The following UACA variants were observed in gnomAD, a reference collection of about 807,000 sequenced individuals.
The protein encoded by UACA is nuclear membrane binding protein.
UACA carries 112 observed loss-of-function variants against 160.5 expected under a neutral mutation model. The observed-to-expected ratio is 0.70, with a 90% CI of 0.60 to 0.82. UACA has a LOEUF of 0.82. Ranked by LOEUF, UACA falls within the 40% of genes least tolerant of loss-of-function variation. The probability of loss-of-function intolerance (pLI) is 0.00; values close to 1 mark genes in which losing one functional copy is unlikely to be tolerated. For missense variants in UACA, 1,574 were observed against 1,614.6 expected, an observed-to-expected ratio of 0.97 and a Z score of 0.43; for synonymous variants, 557 against 568.4, an observed-to-expected ratio of 0.98 and a Z score of 0.29.
intron 1 of UACA, among the ~76,000 whole-genome samples, chr15:70,718,259 G>GGGAGGGGGA: frequency 6.8e-6 from 1 of 147,914 alleles, no homozygotes; most frequent in Non-Finnish European, 1.5e-5. Context: ...ACGGGGGGGA[G>GGGAGGGGGA]GGAGGGGGAG....
Position 70,695,050 on chromosome 15 carries a change from G to A in UACA, c.268C>T (p.His90Tyr), listed in dbSNP as rs756845017. 13 of 1,610,436 alleles carry A rather than the reference G, an allele frequency of 8.1e-6. No individual in the cohort carries two copies. The highest frequency in any genetic ancestry group is 2.2e-5 in the East Asian group (1 of 44,670). ...TCACTGGTTGTAATATCAACTCCAT[G>A]TATAAGGATGGCATTCAAACACTCA... ...NLECLNAILI[H>Y]GVDITTSDTA... is the part of the protein sequence containing the mutation. The change falls in exon 3 of 19, where the codon CAT becomes TAT. Residue 90 changes from histidine (H) to tyrosine (Y), a missense_variant. His to Tyr is a moderately conservative substitution (Grantham distance 83). Transcript: ENST00000322954.
chr15:70,763,393 C>G lies in UACA; in HGVS notation c.15G>C (p.Lys5Asn). 1.5e-6 allele frequency: 2 copies of G among 1,324,978 alleles called. No individual in the cohort carries two copies. The highest frequency in any genetic ancestry group is 1.9e-6 in the Non-Finnish European group (2 of 1,030,328). 82.1% of individuals were successfully genotyped at this position (1,324,978 alleles called of 1,614,324 possible). A position where few individuals can be genotyped will look rare whatever the true frequency, so the allele number is the denominator to read the frequency against. ...GCACGTCCTGCCTCCTCAGGCGGGA[C>G]TTGAGGCTCTTCATGGCTAACTCTT... is the stretch of plus-strand genomic sequence containing the variant. MKSL[K>N]SRLRRQDVPG... Residue 5 changes from lysine (K) to asparagine (N), a missense_variant, in exon 1 of 19, where the codon AAG (lysine) becomes AAC (asparagine). Transcript: ENST00000322954.
intron 2 of UACA, 48 bp from the exon 3 acceptor site, chr15:70,695,153 C>A: frequency 1.4e-6 from 2 of 1,382,944 alleles, no homozygotes; most frequent in Non-Finnish European, 2.0e-6. Flanking sequence ...AACCAAAGGT[C>A]ACCTTAAATG....
At chr15:70,753,636 T>C (rs2030227781) in intron 1 of UACA, among the ~76,000 whole-genome samples, 1 of 152,212 alleles carries the variant, frequency 6.6e-6, no homozygotes, top group African/African-American at 2.4e-5. Context: ...CGGTGAGGAT[T>C]GAGTTACTAG....
In UACA at chr15:70,724,170, G is replaced by A. The variant is rs1422443412; in HGVS notation, c.79-24510C>T. 1.1e-4 allele frequency among the ~76,000 whole-genome samples: 17 copies of A among 152,306 alleles called. No homozygotes were observed. The East Asian group carries it at 2.9e-3, about 26-fold the overall frequency. On this transcript the variant is annotated intron_variant, in intron 1 of 18. Transcript: ENST00000322954. ...TTGTCTACATAGAGTAGGCACTTAA[G>A]TATCTGTTGAGCAACTGAATAAACT...
Position 70,741,648 on chromosome 15 carries a change from C to T in UACA, c.78+21682G>A, listed in dbSNP as rs11634738. 9.7e-3 allele frequency among the ~76,000 whole-genome samples: 1,479 copies of T among 152,190 alleles called. 13 individuals carry two copies. The highest frequency in any genetic ancestry group is 0.012 in the Admixed American group (187 of 15,294). On this transcript the variant is annotated intron_variant, in intron 1 of 18. Coordinates refer to ENST00000322954, the MANE Select transcript of UACA (RefSeq NM_018003.4). ...TTTAATCATTTTTTTCTAATTATTGCTATTTAACTGAATCAATGTTATTAC... is the reference window on the plus strand; with the variant it reads ...TTTAATCATTTTTTTCTAATTATTGTTATTTAACTGAATCAATGTTATTAC...
At chr15:70,764,365 A>G (rs2030948690), upstream of UACA, among the ~76,000 whole-genome samples, 1 of 152,236 alleles carries the variant, frequency 6.6e-6, no homozygotes, top group South Asian at 2.1e-4. Flanking sequence ...ATGAAGTTAA[A>G]TCATCTTACC....
Position 70,744,806 on chromosome 15 carries a change from G to C in UACA, c.78+18524C>G, listed in dbSNP as rs78780972. Among the ~76,000 whole-genome samples, 85 of 148,406 alleles carry C rather than the reference G, an allele frequency of 5.7e-4. No individual in the cohort carries two copies. The East Asian group carries it at 0.016, about 27-fold the overall frequency. ...GTCCTCAACAGAATTCCCAAGACTT[G>C]TTCTCAGCAAAATTAGTCAGGATTC... is the stretch of plus-strand genomic sequence containing the variant. On this transcript the variant is annotated intron_variant, in intron 1 of 18. Transcript: ENST00000322954.
intron 15 of UACA, among the ~76,000 whole-genome samples, chr15:70,670,233 T>C (rs1376737630): frequency 6.6e-6 from 1 of 152,092 alleles, no homozygotes; most frequent in Non-Finnish European, 1.5e-5. Context: ...ATTTGACTGG[T>C]AAAGGAAAAT....
At chr15:70,740,015 A>G (rs1178028244) in intron 1 of UACA, among the ~76,000 whole-genome samples, 2 of 152,226 alleles carry the variant, frequency 1.3e-5, no homozygotes, top group Non-Finnish European at 2.9e-5. Context: ...TTAATTTTTT[A>G]GTAAGTACAA....
intron 7 of UACA, among the ~76,000 whole-genome samples, chr15:70,686,523 G>A (rs1455381810): frequency 6.9e-6 from 1 of 145,040 alleles, no homozygotes; most frequent in Admixed American, 6.9e-5. Flanking sequence ...TTAAGTTTTA[G>A]GGTACATGTG....
chr15:70,657,908 C>A (rs1221056968), intron 18 of UACA, among the ~76,000 whole-genome samples: 1 of 146,086 alleles, frequency 6.8e-6, no homozygotes, highest in Non-Finnish European at 1.5e-5. Flanking sequence ...ACAGTGGAGA[C>A]TGTCGCAAAA....
chr15:70,754,622 G>T (rs1234604520), intron 1 of UACA, among the ~76,000 whole-genome samples: 1 of 152,216 alleles, frequency 6.6e-6, no homozygotes, highest in African/African-American at 2.4e-5. Flanking sequence ...TCCTTTGCCA[G>T]TGCCTTTGGT....
chr15:70,667,899 C>A lies in UACA; in HGVS notation c.2785G>T (p.Glu929Ter). 1 of 1,613,954 alleles carries A rather than the reference C, an allele frequency of 6.2e-7. No individual in the cohort carries two copies. The highest frequency in any genetic ancestry group is 8.5e-7 in the Non-Finnish European group (1 of 1,179,978). The change falls in exon 16 of 19, where the codon GAG (glutamate) becomes TAG (stop). Residue 929 changes from glutamate to a stop codon, truncating the protein, a stop_gained. Coordinates refer to ENST00000322954, the MANE Select transcript of UACA (RefSeq NM_018003.4). LOFTEE classifies it high-confidence loss of function. ...KAEYISLAEH[E>*]AKMSSLSQSM... The stretch of plus-strand genomic sequence containing the variant: ...TGACTTAGCGAGCTCATCTTTGCCT[C>A]GTGCTCTGCCAGGCTGATGTACTCA...
chr15:70,765,933 AGT>A (rs1239797278), upstream of UACA, among the ~76,000 whole-genome samples: 1 of 152,216 alleles, frequency 6.6e-6, no homozygotes, highest in Non-Finnish European at 1.5e-5. Context: ...TATTAATTGC[AGT>A]GTTATGTTGT....
At chr15:70,751,446 C>G (rs991995446) in intron 1 of UACA, among the ~76,000 whole-genome samples, 1 of 152,196 alleles carries the variant, frequency 6.6e-6, no homozygotes, top group Non-Finnish European at 1.5e-5. Context: ...TCTGGTAAGA[C>G]TTTTCAGTTA....
chr15:70,712,845 A>G (rs904880306), intron 1 of UACA, among the ~76,000 whole-genome samples: 2 of 152,210 alleles, frequency 1.3e-5, no homozygotes, highest in African/African-American at 4.8e-5. Context: ...ATGTAAAAGT[A>G]TCTTTTTAAA....
At chr15:70,758,481 CA>C (rs2030558360) in intron 1 of UACA, 2 of 152,126 alleles carry the variant, frequency 1.3e-5, no homozygotes, top group African/African-American at 4.8e-5. Context: ...TTACATTACC[CA>C]AAAGTCGCTG....
chr15:70,729,938 G>C (rs1899271627), intron 1 of UACA, among the ~76,000 whole-genome samples: 2 of 111,632 alleles, frequency 1.8e-5, no homozygotes, highest in Admixed American at 1.7e-4. Context: ...GGTCCTGTCT[G>C]TTAGAAGGAA....
Sources: allele counts gnomAD v4.1 joint callset (sites outside exome capture counted in the v4.1 genomes callset), GRCh38; gene constraint gnomAD v4.1.1; transcripts MANE v1.5; gene names NCBI Gene and HGNC (gene_info 2026-07-23, HGNC 2026-07-21).